Variants in TMTC1 observed in about 807,000 individuals in gnomAD.
TMTC1 encodes protein O-mannosyl-transferase TMTC1.
TMTC1 carries 73 observed loss-of-function variants against 104.8 expected under a neutral mutation model. The ratio of observed to expected loss-of-function variants is 0.70; its 90% CI spans 0.58 to 0.85. The LOEUF is 0.85. Ranked by LOEUF, TMTC1 falls within the 40% of genes least tolerant of loss-of-function variation. The probability of loss-of-function intolerance (pLI) is 0.00; values close to 1 mark genes in which losing one functional copy is unlikely to be tolerated. For missense variants in TMTC1, 1,035 were observed against 1,096.1 expected, an observed-to-expected ratio of 0.94 and a Z score of 0.79; for synonymous variants, 434 against 428.7, an observed-to-expected ratio of 1.01 and a Z score of -0.15.
At chr12:29,638,467 C>T (rs769110373) in intron 5 of TMTC1, among the ~76,000 whole-genome samples, 3 of 152,128 alleles carry the variant, frequency 2.0e-5, no homozygotes, top group African/African-American at 4.8e-5. Context: ...AAACCTTGCA[C>T]CCATCCTCCA....
chr12:29,751,937 A>T (rs1039542405), intron 4 of TMTC1, 65 bp from the exon 5 acceptor site: 20 of 1,412,646 alleles, frequency 1.4e-5, no homozygotes, highest in Middle Eastern at 5.1e-4. Flanking sequence ...AACAACCGAT[A>T]GCAGTAAACT....
chr12:29,606,802 T>G (rs1263160100), intron 6 of TMTC1, among the ~76,000 whole-genome samples: 1 of 151,876 alleles, frequency 6.6e-6, no homozygotes, highest in African/African-American at 2.4e-5. Flanking sequence ...TCTCTCTATA[T>G]CCCCAGCATC....
chr12:29,713,347 A>G (rs867903158), intron 5 of TMTC1, among the ~76,000 whole-genome samples: 7 of 130,876 alleles, frequency 5.3e-5, no homozygotes, highest in African/African-American at 1.8e-4. Context: ...ACACAGGGAG[A>G]GAGAGAGAGA....
rs116034007 is a variant in TMTC1, at chr12:29,724,255, T to C, written c.938+27411A>G. ...AATGTTAAAGTCTGATATATCAGCGTTGGCAGGAGCCTGGAGCATCATGAA... is the reference window on the plus strand; with the variant it reads ...AATGTTAAAGTCTGATATATCAGCGCTGGCAGGAGCCTGGAGCATCATGAA... On this transcript the variant is annotated intron_variant, in intron 5 of 17. Transcript: ENST00000539277. 6.6e-3 allele frequency among the ~76,000 whole-genome samples: 1,003 copies of C among 152,316 alleles called. 10 individuals are homozygous for C. Among genetic ancestry groups the C allele is most frequent in the African/African-American group, 0.023 (964 of 41,582 alleles).
chr12:29,605,646 A>C (rs1946679200), intron 6 of TMTC1, among the ~76,000 whole-genome samples: 1 of 151,470 alleles, frequency 6.6e-6, no homozygotes, highest in Non-Finnish European at 1.5e-5. Flanking sequence ...TTTAGACTAT[A>C]CTTTGGGTTT....
chr12:29,622,642 T>C (rs918040438), intron 6 of TMTC1, among the ~76,000 whole-genome samples: 1 of 152,232 alleles, frequency 6.6e-6, no homozygotes, highest in African/African-American at 2.4e-5. Flanking sequence ...CACAGAGTGA[T>C]TACCCTCATC....
chr12:29,603,406 T>G (rs1372948997), intron 7 of TMTC1, among the ~76,000 whole-genome samples: 2 of 152,048 alleles, frequency 1.3e-5, no homozygotes, highest in African/African-American at 4.8e-5. Context: ...TAAAAGGCAG[T>G]ATCATAGTCC....
intron 2 of TMTC1, among the ~76,000 whole-genome samples, chr12:29,761,661 G>T (rs994340770): frequency 2.6e-5 from 4 of 151,576 alleles, no homozygotes; most frequent in Admixed American, 1.3e-4. Flanking sequence ...CAAAGAACAG[G>T]TACCATAAGA....
chr12:29,569,119 T>G, intron 9 of TMTC1: 2 of 382,796 alleles, frequency 5.2e-6, no homozygotes, highest in East Asian at 7.2e-5. Context: ...TACGTGACCT[T>G]AGATGCAATA....
At chr12:29,616,950 G>A (rs533074072) in intron 6 of TMTC1, among the ~76,000 whole-genome samples, 117 of 152,034 alleles carry the variant, frequency 7.7e-4, no homozygotes, top group Non-Finnish European at 1.3e-3. Flanking sequence ...ACCCTGGGTC[G>A]TCTTATAACT....
At chr12:29,616,669 C>G (rs887395977) in intron 6 of TMTC1, among the ~76,000 whole-genome samples, 19 of 79,798 alleles carry the variant, frequency 2.4e-4, no homozygotes, top group Non-Finnish European at 3.9e-4. Flanking sequence ...AACTTGGTCT[C>G]AAAAAAAAAA....
chr12:29,713,073 C>G (rs187257083), intron 5 of TMTC1, among the ~76,000 whole-genome samples: 28 of 151,746 alleles, frequency 1.8e-4, no homozygotes, highest in Non-Finnish European at 3.5e-4. Flanking sequence ...CAATTGAAGG[C>G]CTTAAGAGAA....
chr12:29,641,656 AC>A (rs1938860549), intron 5 of TMTC1, among the ~76,000 whole-genome samples: 1 of 151,994 alleles, frequency 6.6e-6, no homozygotes, highest in Non-Finnish European at 1.5e-5. Context: ...CAGAAAACCG[AC>A]CCTGATAATA....
intron 5 of TMTC1, among the ~76,000 whole-genome samples, chr12:29,700,489 C>G (rs12227932): frequency 2.0e-5 from 3 of 152,014 alleles, no homozygotes; most frequent in Admixed American, 6.6e-5. Context: ...CATGAGCCAC[C>G]GCACCAGGCC....
intron 10 of TMTC1, among the ~76,000 whole-genome samples, chr12:29,539,105 C>G (rs1944723725): frequency 1.3e-5 from 2 of 152,056 alleles, no homozygotes; most frequent in African/African-American, 4.8e-5. Context: ...TCTTGCTCAC[C>G]CCTTGGTGGG....
intron 5 of TMTC1, among the ~76,000 whole-genome samples, chr12:29,746,385 T>A (rs1210525495): frequency 6.6e-6 from 1 of 152,202 alleles, no homozygotes; most frequent in Non-Finnish European, 1.5e-5. Context: ...AACATAGATT[T>A]GTTCTGTCAC....
chr12:29,567,191 T>C (rs1179191429), intron 9 of TMTC1, among the ~76,000 whole-genome samples: 2 of 152,330 alleles, frequency 1.3e-5, no homozygotes, highest in East Asian at 3.9e-4. Flanking sequence ...GCCCTGGTGT[T>C]CCCGAGGGTG....
At chr12:29,608,863 C>T (rs756076435) in intron 6 of TMTC1, among the ~76,000 whole-genome samples, 5 of 152,140 alleles carry the variant, frequency 3.3e-5, no homozygotes, top group Non-Finnish European at 7.3e-5. Flanking sequence ...CTCCTGAAAC[C>T]GTCCAGCCTA....
At chr12:29,677,713 G>A (rs746745643) in intron 5 of TMTC1, among the ~76,000 whole-genome samples, 4 of 152,236 alleles carry the variant, frequency 2.6e-5, no homozygotes, top group South Asian at 4.2e-4. Context: ...CCCTGTGTCC[G>A]GCATATCCAC....
Sources: allele counts gnomAD v4.1 joint callset (sites outside exome capture counted in the v4.1 genomes callset), GRCh38; gene constraint gnomAD v4.1.1; transcripts MANE v1.5; gene names NCBI Gene and HGNC (gene_info 2026-07-23, HGNC 2026-07-21).